Variants in GRIK2 observed in about 807,000 individuals in gnomAD.
The protein encoded by GRIK2 is glutamate ionotropic receptor kainate type subunit 2, also known as glutamate receptor ionotropic, kainate 2.
Under a neutral mutation model 100.3 loss-of-function variants are expected in GRIK2, and 32 were observed. The observed-to-expected ratio is 0.32, with a 90% confidence interval of 0.24 to 0.43. The LOEUF (loss-of-function observed/expected upper bound fraction) is 0.43, where lower values mean the gene tolerates loss of function less well. Ranked by LOEUF, GRIK2 falls within the 20% of genes least tolerant of loss-of-function variation. GRIK2 has a pLI of 1.00. For synonymous variants in GRIK2, 417 were observed against 389.4 expected, an observed-to-expected ratio of 1.07 and a Z score of -0.83; for missense variants, 843 against 1,114.9, an observed-to-expected ratio of 0.76 and a Z score of 3.47.
chr6:101,752,164 A>G (rs1361032171), intron 7 of GRIK2, among the ~76,000 whole-genome samples: 1 of 152,206 alleles, frequency 6.6e-6, no homozygotes, highest in African/African-American at 2.4e-5. Context: ...ATTACAAACT[A>G]TAAATAAATA....
chr6:101,668,863 A>G (rs1218142088), intron 4 of GRIK2, among the ~76,000 whole-genome samples: 1 of 152,156 alleles, frequency 6.6e-6, no homozygotes, highest in Non-Finnish European at 1.5e-5. Context: ...AGTGTGCATA[A>G]ATGTCTCCTC....
At chr6:101,967,096 A>C (rs190960284) in intron 14 of GRIK2, among the ~76,000 whole-genome samples, 1 of 151,930 alleles carries the variant, frequency 6.6e-6, no homozygotes, top group Admixed American at 6.6e-5. Flanking sequence ...CAACTTCTTT[A>C]AAATATATTT....
intron 14 of GRIK2, among the ~76,000 whole-genome samples, chr6:102,003,344 G>A (rs763350080): frequency 6.6e-6 from 1 of 151,526 alleles, no homozygotes; most frequent in Non-Finnish European, 1.5e-5. Context: ...ACGCACTCAT[G>A]CTTATGTTTC....
chr6:101,903,389 T>A (rs1483910028), intron 12 of GRIK2, among the ~76,000 whole-genome samples: 1 of 151,858 alleles, frequency 6.6e-6, no homozygotes, highest in African/African-American at 2.4e-5. Flanking sequence ...CAAGTGCTCA[T>A]TTCTGAAATT....
chr6:101,953,225 T>C (rs909572392), intron 14 of GRIK2, among the ~76,000 whole-genome samples: 5 of 152,214 alleles, frequency 3.3e-5, no homozygotes, highest in African/African-American at 9.6e-5. Context: ...AATACTGCTA[T>C]AAATATTAAT....
At chr6:101,451,344 C>G (rs996493516) in intron 2 of GRIK2, among the ~76,000 whole-genome samples, 1 of 151,708 alleles carries the variant, frequency 6.6e-6, no homozygotes, top group Non-Finnish European at 1.5e-5. Flanking sequence ...TCTTATAGCT[C>G]TTAACATTCT....
chr6:101,837,250 A>T (rs1005236038), intron 10 of GRIK2, among the ~76,000 whole-genome samples: 1 of 152,106 alleles, frequency 6.6e-6, no homozygotes, highest in Non-Finnish European at 1.5e-5. Context: ...TATTGTCTGA[A>T]ATCTCCCTAC....
chr6:101,476,796 C>A (rs1039880553), intron 2 of GRIK2, among the ~76,000 whole-genome samples: 2 of 152,154 alleles, frequency 1.3e-5, no homozygotes, highest in Non-Finnish European at 2.9e-5. Context: ...CTATTCCATG[C>A]ACACTATGTT....
Position 101,762,151 on chromosome 6 carries a change from C to T in GRIK2, c.952-37497C>T, listed in dbSNP as rs1000967458. 4.6e-3 allele frequency among the ~76,000 whole-genome samples: 655 copies of T among 141,026 alleles called. 6 individuals are homozygous for T. Among genetic ancestry groups the T allele is most frequent in the African/African-American group, 0.015 (525 of 34,418 alleles). The allele number at this position is 141,026 out of a possible 152,430, so 92.5% of individuals were successfully genotyped here. On this transcript the variant is annotated intron_variant, in intron 7 of 16. Transcript: ENST00000369134. ...TTTCCTTCCTCCCTCCCTTCCTCTT[C>T]CTCTGTCTCTGTCTCTGTCTCTCTC...
At position 101,782,988 on chromosome 6, in the gene GRIK2, G is replaced by C. The variant is rs570496510; in HGVS notation, c.952-16660G>C. 9.2e-5 allele frequency among the ~76,000 whole-genome samples: 14 copies of C among 151,602 alleles called. No homozygotes were observed. The East Asian group carries it at 2.5e-3, about 28-fold the overall frequency. On this transcript the variant is annotated intron_variant, in intron 7 of 16. Coordinates refer to ENST00000369134, the MANE Select transcript of GRIK2 (RefSeq NM_021956.5). ...TCTCCTGCCTCAGCTTCCTGAGTAGGTGGGACTACAGGCACCCGCCACCAT... is the reference window on the plus strand; with the variant it reads ...TCTCCTGCCTCAGCTTCCTGAGTAGCTGGGACTACAGGCACCCGCCACCAT...
chr6:101,717,242 G>A (rs1774137583), intron 7 of GRIK2, among the ~76,000 whole-genome samples: 1 of 151,640 alleles, frequency 6.6e-6, no homozygotes, highest in African/African-American at 2.4e-5. Context: ...GAAGGGGGTT[G>A]GATGAAAAAA....
chr6:101,730,820 A>T (rs1019881537), intron 7 of GRIK2, among the ~76,000 whole-genome samples: 9 of 151,802 alleles, frequency 5.9e-5, no homozygotes, highest in East Asian at 1.9e-4. Flanking sequence ...ATTTTTTTTT[A>T]AAAATGAGAG....
At chr6:101,813,408 C>A (rs1406796037) in intron 9 of GRIK2, among the ~76,000 whole-genome samples, 1 of 152,028 alleles carries the variant, frequency 6.6e-6, no homozygotes, top group East Asian at 1.9e-4. Flanking sequence ...TTTAAGTCTG[C>A]AACCATAAAA....
chr6:101,855,531 AAATC>A (rs1025219624), intron 10 of GRIK2, among the ~76,000 whole-genome samples: 4 of 152,092 alleles, frequency 2.6e-5, no homozygotes, highest in Non-Finnish European at 4.4e-5. Context: ...CCTGTCAGAA[AAATC>A]AATCAATCAA....
chr6:101,742,960 G>A (rs976923708), intron 7 of GRIK2, among the ~76,000 whole-genome samples: 2 of 152,164 alleles, frequency 1.3e-5, no homozygotes, highest in Admixed American at 6.5e-5. Flanking sequence ...GTTGACAGGG[G>A]GAGATTAGAA....
At chr6:101,966,212 T>C (rs1037220530) in intron 14 of GRIK2, among the ~76,000 whole-genome samples, 1 of 152,148 alleles carries the variant, frequency 6.6e-6, no homozygotes, top group African/African-American at 2.4e-5. Context: ...ATGTACTTTG[T>C]ATTTTAACAA....
chr6:101,551,638 G>A (rs1007081845), intron 2 of GRIK2, among the ~76,000 whole-genome samples: 1 of 152,070 alleles, frequency 6.6e-6, no homozygotes, highest in Non-Finnish European at 1.5e-5. Context: ...CTGGACTCTT[G>A]GAACATAGAA....
intron 15 of GRIK2, among the ~76,000 whole-genome samples, chr6:102,048,939 A>T (rs1411577423): frequency 6.6e-6 from 1 of 152,144 alleles, no homozygotes; most frequent in Non-Finnish European, 1.5e-5. Flanking sequence ...AGCAATACCC[A>T]GTAAGCCCTT....
intron 2 of GRIK2, among the ~76,000 whole-genome samples, chr6:101,454,668 T>C (rs1015255589): frequency 1.3e-5 from 2 of 152,130 alleles, no homozygotes; most frequent in Non-Finnish European, 2.9e-5. Context: ...TAGCTTTTAC[T>C]GAATTCTGCT....
Sources: allele counts gnomAD v4.1 joint callset (sites outside exome capture counted in the v4.1 genomes callset), GRCh38; gene constraint gnomAD v4.1.1; transcripts MANE v1.5; gene names NCBI Gene and HGNC (gene_info 2026-07-23, HGNC 2026-07-21).